Variants in NCKAP1L observed in about 807,000 individuals in gnomAD.
The protein encoded by NCKAP1L is nck-associated protein 1-like.
In NCKAP1L, 53 loss-of-function variants were observed where a neutral mutation model predicts 139.2. That is an observed-to-expected ratio of 0.38 (90% CI 0.31 to 0.48). NCKAP1L has a LOEUF of 0.48. NCKAP1L is among the 20% of genes least tolerant of loss of function. The pLI, the probability that NCKAP1L is intolerant of heterozygous loss-of-function variation, is 0.98. For missense variants in NCKAP1L, 1,151 were observed against 1,381.9 expected (o/e 0.83, Z 2.65); for synonymous variants, 468 against 499.7 (o/e 0.94, Z 0.85).
intron 3 of NCKAP1L, among the ~76,000 whole-genome samples, chr12:54,504,320 GATA>G (rs1956825196): frequency 1.3e-5 from 2 of 152,252 alleles, no homozygotes; most frequent in African/African-American, 4.8e-5. Context: ...GCAAATCCAG[GATA>G]TTCAGTAGAT....
intron 26 of NCKAP1L, among the ~76,000 whole-genome samples, chr12:54,532,803 A>G (rs990785087): frequency 1.6e-4 from 25 of 152,150 alleles, no homozygotes; most frequent in Non-Finnish European, 2.2e-4. Flanking sequence ...TAAGTTAAGC[A>G]TCCATTTCCC....
intron 3 of NCKAP1L, among the ~76,000 whole-genome samples, chr12:54,504,111 G>T (rs548303602): frequency 6.6e-6 from 1 of 151,990 alleles, no homozygotes; most frequent in African/African-American, 2.4e-5. Flanking sequence ...ATTTCTGATC[G>T]GTGGGATTAT....
intron 25 of NCKAP1L, 72 bp from the exon 26 acceptor site, chr12:54,532,098 T>A: frequency 8.3e-7 from 1 of 1,201,456 alleles, no homozygotes; most frequent in Non-Finnish European, 1.2e-6. Context: ...TTTTTTTTTT[T>A]TTTTATTTCT....
intron 21 of NCKAP1L, among the ~76,000 whole-genome samples, chr12:54,527,695 T>A (rs1479481149): frequency 6.6e-6 from 1 of 152,206 alleles, no homozygotes; most frequent in African/African-American, 2.4e-5. Flanking sequence ...TGATGTCTAT[T>A]AGATACAGAC....
At chr12:54,516,129 GC>G (rs1956929023) in intron 9 of NCKAP1L, 109 bp from the exon 10 acceptor site, 1 of 1,056,930 alleles carries the variant, frequency 9.5e-7, no homozygotes, top group African/African-American at 1.6e-5. Context: ...TGTGAGGGCT[GC>G]CCATGCTCCC....
In NCKAP1L at chr12:54,542,025, G is replaced by A. The variant is rs546225223; in HGVS notation, c.3274-550G>A. 1.5e-4 allele frequency among the ~76,000 whole-genome samples: 23 copies of A among 151,902 alleles called. No individual in the cohort carries two copies. The South Asian group carries it at 4.6e-3, about 30-fold the overall frequency. Reference sequence around the variant, plus strand: ...GGCTGTGGGGGCTGCTGGGATTACCGCAGCACACAGGCTTCTAATTAAACT... The same window carrying A: ...GGCTGTGGGGGCTGCTGGGATTACCACAGCACACAGGCTTCTAATTAAACT... On this transcript the variant is annotated intron_variant, in intron 30 of 30. Coordinates refer to ENST00000293373, the MANE Select transcript of NCKAP1L (RefSeq NM_005337.5).
rs1194766936 is a variant in NCKAP1L at position 54,526,524 on chromosome 12, C to G, written c.2157-4C>G. Reference sequence around the variant, plus strand: ...TTCTAATTTTTTTTTTTTAAATCACCTAGAGCCATTGTGTGGCTGGCTGGC... The same window carrying G: ...TTCTAATTTTTTTTTTTTAAATCACGTAGAGCCATTGTGTGGCTGGCTGGC... On this transcript the variant is annotated splice_polypyrimidine_tract_variant and splice_region_variant and intron_variant, in intron 20 of 30. Transcript: ENST00000293373. 6.2e-7 allele frequency: 1 copy of G among 1,611,102 alleles called. No individual in the cohort carries two copies. Among genetic ancestry groups the G allele is most frequent in the African/African-American group, 1.3e-5 (1 of 74,812 alleles).
At chr12:54,535,258 A>G in intron 27 of NCKAP1L, 61 bp downstream of exon 27, 1 of 1,261,866 alleles carries the variant, frequency 7.9e-7, no homozygotes, top group South Asian at 1.2e-5. Flanking sequence ...ATTTTGGGTG[A>G]AAAAATGTCA....
At chr12:54,511,903 G>A in intron 8 of NCKAP1L, 46 bp from the exon 9 acceptor site, 1 of 1,614,068 alleles carries the variant, frequency 6.2e-7, no homozygotes, top group East Asian at 2.2e-5. Flanking sequence ...GTTATATGAA[G>A]AACAAGTTCT....
At chr12:54,513,670 T>C (rs61041667) in intron 9 of NCKAP1L, among the ~76,000 whole-genome samples, 23,721 of 152,214 alleles carry the variant, frequency 0.16, 1,972 homozygotes, top group African/African-American at 0.2. Context: ...GATTTGGCTC[T>C]AAAGATGGTT....
intron 25 of NCKAP1L, 65 bp downstream of exon 25, chr12:54,531,890 T>G (rs2271476): frequency 0.062 from 82,908 of 1,342,656 alleles, 2,704 homozygotes; most frequent in African/African-American, 0.083. Flanking sequence ...GTTTGTATGA[T>G]AATTTGTGGA....
chr12:54,506,794 A>AT (rs1468649208), intron 3 of NCKAP1L, among the ~76,000 whole-genome samples: 113 of 23,728 alleles, frequency 4.8e-3, no homozygotes, highest in Non-Finnish European at 6.0e-3. Context: ...TTAAAAAAAA[A>AT]AAATATATAT....
At chr12:54,516,450 C>CT (rs112859632) in intron 10 of NCKAP1L, among the ~76,000 whole-genome samples, 155 bp downstream of exon 10, 14,717 of 145,216 alleles carry the variant, frequency 0.1, 1,380 homozygotes, top group African/African-American at 0.25. Flanking sequence ...CTTTTCTTTT[C>CT]TTTTTTTTTT....
In NCKAP1L at chr12:54,544,246, A is replaced by T. The variant is rs1015553185; in HGVS notation, c.*1561A>T. On this transcript the variant is annotated 3_prime_UTR_variant, in exon 31 of 31. Coordinates refer to ENST00000293373, the MANE Select transcript of NCKAP1L (RefSeq NM_005337.5). ...GCTTATGAGACTGAGAGTAAAGTTG[A>T]TGAGGAAGAGGAGGCTCAGAAGTAT... is the stretch of plus-strand genomic sequence containing the variant. The T allele has an allele frequency of 3.3e-5, 5 of 152,150 alleles. No individual in the cohort carries two copies. Among genetic ancestry groups the T allele is most frequent in the African/African-American group, 1.2e-4 (5 of 41,422 alleles). 9.4% of individuals were successfully genotyped at this position (152,150 alleles called of 1,614,324 possible).
intron 9 of NCKAP1L, among the ~76,000 whole-genome samples, chr12:54,515,090 GTCAC>G (rs959561332): frequency 1.3e-5 from 2 of 152,178 alleles, no homozygotes; most frequent in African/African-American, 4.8e-5. Context: ...CAGTCTCAGT[GTCAC>G]TCAATAAGAG....
intron 26 of NCKAP1L, among the ~76,000 whole-genome samples, 200 bp downstream of exon 26, chr12:54,532,450 G>A (rs1490144299): frequency 6.6e-6 from 1 of 152,108 alleles, no homozygotes. Context: ...GGAGAGAAGT[G>A]GGAGGCTGGG....
At chr12:54,503,724 C>T (rs975936353) in intron 3 of NCKAP1L, among the ~76,000 whole-genome samples, 3 of 151,300 alleles carry the variant, frequency 2.0e-5, no homozygotes, top group Admixed American at 2.0e-4. Context: ...ACTGCTGCCT[C>T]CGCCTTTGGG....
At position 54,498,913 on chromosome 12, in the gene NCKAP1L, A is replaced by ATT. The variant is rs1555170435; in HGVS notation, c.103-441_103-440insTT. On this transcript the variant is annotated intron_variant, in intron 1 of 30. Transcript: ENST00000293373. ...ACCTACTCTTATGCTTTTTATTTTT[A>ATT]TATTTATTTATTTATTTATTTATTT... 3 of 203,062 alleles carry ATT rather than the reference A, an allele frequency of 1.5e-5. No individual in the cohort carries two copies. In the South Asian group the frequency reaches 5.8e-4, roughly 39 times the overall value. 12.6% of individuals were successfully genotyped at this position (203,062 alleles called of 1,614,324 possible). A position where few individuals can be genotyped will look rare whatever the true frequency, so the allele number is the denominator to read the frequency against.
intron 3 of NCKAP1L, among the ~76,000 whole-genome samples, chr12:54,505,350 T>A (rs1956831555): frequency 6.6e-6 from 1 of 152,134 alleles, no homozygotes; most frequent in African/African-American, 2.4e-5. Flanking sequence ...GCACTTTTCC[T>A]ACACATTTTA....
Sources: gnomAD v4.1 joint callset for allele counts (sites outside exome capture counted in the v4.1 genomes callset) on GRCh38, gnomAD v4.1.1 for gene constraint, MANE v1.5 for transcripts, NCBI Gene and HGNC (gene_info 2026-07-23, HGNC 2026-07-21) for gene names.